The following PTPRF variants were observed in gnomAD, a reference collection of about 807,000 sequenced individuals.
The protein encoded by PTPRF is receptor-type tyrosine-protein phosphatase F.
PTPRF carries 59 observed loss-of-function variants against 201.8 expected under a neutral mutation model. The ratio of observed to expected loss-of-function variants is 0.29; its 90% CI spans 0.24 to 0.36. The LOEUF is 0.36. Ranked by LOEUF, PTPRF falls within the 10% of genes least tolerant of loss-of-function variation. PTPRF has a pLI of 1.00. For missense variants in PTPRF, 2,132 were observed against 2,690.5 expected (o/e 0.79, Z 4.59); for synonymous variants, 1,088 against 1,089.7 (o/e 1.00, Z 0.03).
At chr1:43,600,198 C>T (rs1653403082) in intron 13 of PTPRF, among the ~76,000 whole-genome samples, 1 of 152,194 alleles carries the variant, frequency 6.6e-6, no homozygotes, top group African/African-American at 2.4e-5. Flanking sequence ...CCTTGTGGAG[C>T]CTCAGTGAAC....
At position 43,603,865 on chromosome 1, in the gene PTPRF, G is replaced by C. The variant is rs143093912; in HGVS notation, c.2713G>C (p.Glu905Gln). The C allele has an allele frequency of 5.0e-6, 8 of 1,614,064 alleles. No individual in the cohort carries two copies. Among genetic ancestry groups the C allele is most frequent in the Non-Finnish European group, 6.8e-6 (8 of 1,180,034 alleles). ...KNRAGLGEEF[E>Q]KEIRTPEDLP... ...CCGGGCTGGCTTGGGTGAGGAGTTC[G>C]AGAAGGAGATCAGGACCCCCGAGGA... Residue 905 changes from glutamate (E) to glutamine (Q), a missense_variant, in exon 16 of 34, where the codon GAG becomes CAG. Glu to Gln is a conservative substitution (Grantham distance 29). Around this residue, in one of 6 missense-constraint regions of PTPRF, gnomAD observed 818 missense variants for 915.3 expected, o/e 0.89. Transcript: ENST00000359947. This position sits in a 1 kb window ranked among gnomAD's most constrained non-coding sequence, Gnocchi z 5.8.
At position 43,606,931 on chromosome 1, in the gene PTPRF, A is replaced by C; in HGVS notation, c.3820A>C (p.Ile1274Leu). ...GGGTCCCGTGCTGGCAGTCATCCTC[A>C]TCATCCTCATTGTCATCGCCATCCT... ...VTGPVLAVIL[I>L]ILIVIAILLF... Residue 1274 changes from isoleucine to leucine, a missense_variant, in exon 21 of 34, where the codon ATC becomes CTC. Physicochemically the swap from Ile to Leu is conservative, Grantham distance 5. Coordinates refer to ENST00000359947, the MANE Select transcript of PTPRF (RefSeq NM_002840.5). 1 of 1,614,168 alleles carries C rather than the reference A, an allele frequency of 6.2e-7. No homozygotes were observed. The highest frequency in any genetic ancestry group is 8.5e-7 in the Non-Finnish European group (1 of 1,180,028).
Position 43,597,986 on chromosome 1 carries a change from G to A in PTPRF, c.2052G>A (p.Val684=), listed in dbSNP as rs371624686. Residue 684 remains valine (V), a synonymous_variant, in exon 12 of 34, where the codon GTG becomes GTA. Transcript: ENST00000359947. The part of the protein sequence containing the change: ...LEKWTEYRVW[V]RAHTDVGPGP... ...AGTGGACGGAGTACCGGGTGTGGGT[G>A]CGGGCACACACAGACGTGGGCCCCG... The A allele has an allele frequency of 2.2e-5, 34 of 1,545,272 alleles. No homozygotes were observed. The highest frequency in any genetic ancestry group is 2.7e-5 in the Non-Finnish European group (31 of 1,141,710).
At chr1:43,606,117 T>G in intron 19 of PTPRF, 123 bp from the exon 20 acceptor site, 2 of 1,069,338 alleles carry the variant, frequency 1.9e-6, no homozygotes, top group East Asian at 5.1e-5. Flanking sequence ...TGGGCAGGTG[T>G]GGGCTCTGAC....
chr1:43,606,685 A>T (rs867481769), intron 20 of PTPRF, 129 bp from the exon 21 acceptor site: 1 of 1,350,040 alleles, frequency 7.4e-7, no homozygotes, highest in African/African-American at 1.4e-5. Flanking sequence ...TGCCAGGTCC[A>T]CCTTGTAGGG....
intron 2 of PTPRF, among the ~76,000 whole-genome samples, 190 bp from the exon 3 acceptor site, chr1:43,544,823 TGTGGGTGCTGGGGAATAA>T (rs776386231): frequency 9.2e-5 from 14 of 151,614 alleles, no homozygotes; most frequent in Non-Finnish European, 1.6e-4. Context: ...GGGCTGTCCT[TGTGGGTGCTGGGGAATAA>T]GTGAGGAGCT....
chr1:43,612,304 C>T (rs1007079834), intron 22 of PTPRF, among the ~76,000 whole-genome samples: 4 of 152,066 alleles, frequency 2.6e-5, no homozygotes, highest in African/African-American at 7.2e-5. Flanking sequence ...GTGGAGAAAC[C>T]CCTTTCAAAG....
chr1:43,551,498 C>T (rs1023045375), intron 3 of PTPRF, among the ~76,000 whole-genome samples: 2 of 152,120 alleles, frequency 1.3e-5, no homozygotes, highest in Non-Finnish European at 2.9e-5. Flanking sequence ...CTGGTCCCTA[C>T]AGCCTCCCTG....
Position 43,595,644 on chromosome 1 carries a change from G to A in PTPRF, c.1814-2104G>A, listed in dbSNP as rs866616230. Among the ~76,000 whole-genome samples the A allele has an allele frequency of 1.9e-4, 29 of 152,328 alleles. 1 individual carries two copies. Among genetic ancestry groups the A allele is most frequent in the Middle Eastern group, 6.8e-3 (2 of 294 alleles). ...GTGGAGCCTTGGGAGGTGGAGAGAA[G>A]GGGAACAGTATGGGTGGTGAGAGAG... is the stretch of plus-strand genomic sequence containing the variant. On this transcript the variant is annotated intron_variant, in intron 11 of 33. Coordinates refer to ENST00000359947, the MANE Select transcript of PTPRF (RefSeq NM_002840.5).
intron 23 of PTPRF, among the ~76,000 whole-genome samples, chr1:43,614,298 C>G (rs1217661235): frequency 6.6e-6 from 1 of 152,214 alleles, no homozygotes; most frequent in Non-Finnish European, 1.5e-5. Context: ...TCTGCACATG[C>G]ATGTGCTCAC....
chr1:43,569,268 C>T (rs1646407678), intron 5 of PTPRF, among the ~76,000 whole-genome samples: 1 of 140,172 alleles, frequency 7.1e-6, no homozygotes, highest in Admixed American at 7.3e-5. Flanking sequence ...GTGCTTTCTG[C>T]TGTGACCAGC....
At chr1:43,557,561 G>A (rs899442092) in intron 5 of PTPRF, among the ~76,000 whole-genome samples, 25 of 151,904 alleles carry the variant, frequency 1.6e-4, no homozygotes, top group Non-Finnish European at 2.8e-4. Context: ...TTGAACCCAG[G>A]AGGAGGAGGT....
At chr1:43,524,551 T>C (rs1427999486), upstream of PTPRF, among the ~76,000 whole-genome samples, 2 of 152,032 alleles carry the variant, frequency 1.3e-5, no homozygotes, top group Non-Finnish European at 2.9e-5. Context: ...AAAGTAAGCA[T>C]GCAGGGAGTA....
chr1:43,596,539 G>A (rs1390172724), intron 11 of PTPRF, among the ~76,000 whole-genome samples: 1 of 152,188 alleles, frequency 6.6e-6, no homozygotes, highest in Non-Finnish European at 1.5e-5. Context: ...TGTTGAGTGA[G>A]GGCACCTCTG....
intron 2 of PTPRF, among the ~76,000 whole-genome samples, chr1:43,541,080 C>G (rs2153958769): frequency 6.6e-6 from 1 of 152,330 alleles, no homozygotes; most frequent in African/African-American, 2.4e-5. Context: ...TTCCTGTTGC[C>G]CAAGTGCTGG....
intron 14 of PTPRF, among the ~76,000 whole-genome samples, chr1:43,602,950 C>G (rs1214699507): frequency 1.3e-5 from 2 of 152,160 alleles, no homozygotes; most frequent in Non-Finnish European, 2.9e-5. Context: ...AGGATGGCAC[C>G]TTAGCCCATC....
intron 16 of PTPRF, among the ~76,000 whole-genome samples, chr1:43,604,574 T>C (rs964962004): frequency 2.0e-5 from 3 of 152,212 alleles, no homozygotes; most frequent in Non-Finnish European, 4.4e-5. Flanking sequence ...GCCACATGCT[T>C]CTCATGACCG....
intron 11 of PTPRF, among the ~76,000 whole-genome samples, chr1:43,597,068 TGTGA>T (rs1290316419): frequency 1.3e-5 from 2 of 152,070 alleles, no homozygotes; most frequent in Admixed American, 1.3e-4. Flanking sequence ...ACAGTGTGTG[TGTGA>T]GACACCATGA....
intron 6 of PTPRF, among the ~76,000 whole-genome samples, chr1:43,578,200 A>G (rs1432047036): frequency 6.6e-6 from 1 of 152,044 alleles, no homozygotes; most frequent in Non-Finnish European, 1.5e-5. Context: ...GAAGCACTTT[A>G]GCAGGACCGG....
Sources: allele counts gnomAD v4.1 joint callset (sites outside exome capture counted in the v4.1 genomes callset), GRCh38; gene constraint gnomAD v4.1.1; regional missense constraint gnomAD v4.1.1; non-coding constraint Gnocchi (gnomAD v3.1); transcripts MANE v1.5; gene names NCBI Gene and HGNC (gene_info 2026-07-23, HGNC 2026-07-21).